Variants in VPS8 observed in about 807,000 individuals in gnomAD.
VPS8 encodes the protein VPS8 subunit of CORVET complex.
In VPS8, 129 loss-of-function variants were observed where a neutral mutation model predicts 216.4. The observed-to-expected ratio is 0.60, with a 90% CI of 0.52 to 0.69. The LOEUF (loss-of-function observed/expected upper bound fraction) is 0.69. Among genes scored for constraint, VPS8 ranks in the 30% least tolerant of loss-of-function variants. The probability of loss-of-function intolerance (pLI) is 0.00; values close to 1 mark genes in which losing one functional copy is unlikely to be tolerated. For synonymous variants in VPS8, 571 were observed against 565.4 expected, an observed-to-expected ratio of 1.01 and a Z score of -0.14; for missense variants, 1,531 against 1,683.5, an observed-to-expected ratio of 0.91 and a Z score of 1.59.
At chr3:184,923,373 A>G (rs1638737135) in intron 29 of VPS8, among the ~76,000 whole-genome samples, 1 of 152,190 alleles carries the variant, frequency 6.6e-6, no homozygotes, top group African/African-American at 2.4e-5. Flanking sequence ...GTTTCCACAC[A>G]TAGGAATACT....
At position 184,868,030 on chromosome 3, in the gene VPS8, T is replaced by C. The variant is rs1027073912; in HGVS notation, c.1477T>C (p.Tyr493His). 1.9e-6 allele frequency: 3 copies of C among 1,612,990 alleles called. No homozygotes were observed. The highest frequency in any genetic ancestry group is 1.7e-6 in the Non-Finnish European group (2 of 1,179,730). The change falls in exon 18 of 48, where the codon TAT becomes CAT. Residue 493 changes from tyrosine (Y) to histidine (H), a missense_variant. By Grantham distance (83) the Tyr-to-His change is moderately conservative. This residue lies in a region of VPS8 where 1,318 missense variants were observed against 1,468.4 expected (regional missense o/e 0.90). Transcript: ENST00000625842. The stretch of plus-strand genomic sequence containing the variant: ...CCATCTCTTTACTTTCCAGTCTGTT[T>C]ATGTGATGATGCTGAGGAGCTGGAG... Reference protein sequence around the residue: ...QIFYLGTKSVYVMMLRSWRER... With the variant: ...QIFYLGTKSVHVMMLRSWRER...
chr3:184,843,290 T>G, intron 8 of VPS8, 45 bp downstream of exon 8: 1 of 1,341,940 alleles, frequency 7.5e-7, no homozygotes, highest in Non-Finnish European at 9.8e-7. Flanking sequence ...TCTTTTGGTC[T>G]TTTTAATGTT....
intron 10 of VPS8, 45 bp downstream of exon 10, chr3:184,850,067 T>C: frequency 6.7e-7 from 1 of 1,485,204 alleles, no homozygotes; most frequent in Non-Finnish European, 9.2e-7. Context: ...TTATTATGCC[T>C]TTGTGTTTAT....
rs1561115068 is a variant in VPS8, at chr3:185,012,980, A to AGTTATTTC, written c.4003-11356_4003-11355insGTTATTTC. ...CTAAAAGCATTTCCTACGGGAAATA[A>AGTTATTTC]CTAAAAGCATTTCCTACAGGAAATA... On this transcript the variant is annotated intron_variant, in intron 45 of 47. Transcript: ENST00000625842. Among the ~76,000 whole-genome samples, 892 of 150,926 alleles carry AGTTATTTC rather than the reference A, an allele frequency of 5.9e-3. 8 individuals carry two copies. Among genetic ancestry groups the AGTTATTTC allele is most frequent in the African/African-American group, 0.021 (836 of 40,244 alleles).
chr3:184,824,627 G>A lies in VPS8; in HGVS notation c.-6G>A. ...GATGGACTGAATACTGTTATTAGAA[G>A]TAAATATGGAAAATGAACCAGACCA... On this transcript the variant is annotated 5_prime_UTR_variant, in exon 2 of 48. Coordinates refer to ENST00000625842, the MANE Select transcript of VPS8 (RefSeq NM_001009921.3). 6.2e-7 allele frequency: 1 copy of A among 1,613,056 alleles called. No individual in the cohort carries two copies. The highest frequency in any genetic ancestry group is 8.5e-7 in the Non-Finnish European group (1 of 1,179,552).
intron 40 of VPS8, among the ~76,000 whole-genome samples, chr3:184,981,282 C>T (rs1453056926): frequency 6.6e-6 from 1 of 152,100 alleles, no homozygotes; most frequent in African/African-American, 2.4e-5. Flanking sequence ...GTCCAGAGTC[C>T]ATCCTTGTGT....
chr3:184,938,756 A>G (rs753668448), intron 35 of VPS8, among the ~76,000 whole-genome samples: 5 of 151,514 alleles, frequency 3.3e-5, no homozygotes, highest in Admixed American at 6.6e-5. Context: ...GGCGGGGCAC[A>G]GTGGCTCACA....
chr3:184,975,335 C>T lies in VPS8; in HGVS notation c.3420+3583C>T, dbSNP rs76998762. Among the ~76,000 whole-genome samples the T allele has an allele frequency of 3.7e-3, 558 of 151,826 alleles. 3 individuals are homozygous for T. The highest frequency in any genetic ancestry group is 0.013 in the African/African-American group (535 of 41,460). On this transcript the variant is annotated intron_variant, in intron 40 of 47. Transcript: ENST00000625842. ...CTTGTAAATGAGATTGCTTTCTTGACTTCTTTTTCAGATAGTTTGTTATTG... is the reference window on the plus strand; with the variant it reads ...CTTGTAAATGAGATTGCTTTCTTGATTTCTTTTTCAGATAGTTTGTTATTG...
intron 21 of VPS8, among the ~76,000 whole-genome samples, chr3:184,873,168 C>T (rs1372353966): frequency 6.6e-6 from 1 of 151,856 alleles, no homozygotes; most frequent in Non-Finnish European, 1.5e-5. Context: ...ATTTTTAATC[C>T]CCATTTTATA....
Position 184,996,406 on chromosome 3 carries a change from C to T in VPS8, c.3741C>T (p.Val1247=). 6.2e-7 allele frequency: 1 copy of T among 1,613,902 alleles called. No homozygotes were observed. The highest frequency in any genetic ancestry group is 8.5e-7 in the Non-Finnish European group (1 of 1,179,848). The stretch of plus-strand genomic sequence containing the variant: ...CATTGTGTAACCTGAGAGCTTCGGT[C>T]ACCAGAGGACTGAATCCCAAACAAG... ...HWSLCNLRAS[V]TRGLNPKQDY... The change falls in exon 44 of 48, where the codon GTC becomes GTT. Residue 1247 remains valine (V), a synonymous_variant. Transcript: ENST00000625842.
At chr3:184,965,563 G>A (rs1236459937) in intron 38 of VPS8, among the ~76,000 whole-genome samples, 2 of 152,206 alleles carry the variant, frequency 1.3e-5, no homozygotes, top group Admixed American at 1.3e-4. Flanking sequence ...TATATAGGCA[G>A]GTCAGGCGAG....
chr3:184,853,340 G>A (rs1724669578), intron 11 of VPS8, among the ~76,000 whole-genome samples: 1 of 152,156 alleles, frequency 6.6e-6, no homozygotes, highest in Admixed American at 6.5e-5. Context: ...CAAGACAGGG[G>A]ATTGCACTAG....
chr3:184,956,142 A>G (rs1364726006), intron 36 of VPS8, among the ~76,000 whole-genome samples: 3 of 152,310 alleles, frequency 2.0e-5, no homozygotes, highest in Non-Finnish European at 2.9e-5. Context: ...GTGTCTAAAT[A>G]CAGTCTCTTT....
At chr3:185,017,133 C>CT (rs1755916153) in intron 45 of VPS8, among the ~76,000 whole-genome samples, 1 of 151,996 alleles carries the variant, frequency 6.6e-6, no homozygotes, top group Non-Finnish European at 1.5e-5. Context: ...TCCCTATAAA[C>CT]TTATAGGTAC....
intron 37 of VPS8, 70 bp downstream of exon 37, chr3:184,957,591 A>T (rs1162931829): frequency 6.9e-7 from 1 of 1,456,978 alleles, no homozygotes; most frequent in Non-Finnish European, 9.2e-7. Flanking sequence ...AGATGATCAA[A>T]GACAAGGGGA....
chr3:184,905,616 CTCTT>C (rs1347734500), intron 25 of VPS8, among the ~76,000 whole-genome samples: 1 of 104,664 alleles, frequency 9.6e-6, no homozygotes, highest in East Asian at 2.9e-4. Context: ...AGAAGCTCAG[CTCTT>C]TTTTTTTTTT....
At position 184,924,729 on chromosome 3, in the gene VPS8, T is replaced by C. The variant is rs867969942; in HGVS notation, c.2455-133T>C. 3.0e-4 allele frequency: 354 copies of C among 1,170,414 alleles called. 1 individual carries two copies. The Middle Eastern group carries it at 9.7e-3, about 32-fold the overall frequency. 72.5% of individuals were successfully genotyped at this position (1,170,414 alleles called of 1,614,324 possible). On this transcript the variant is annotated intron_variant, in intron 29 of 47. Coordinates refer to ENST00000625842, the MANE Select transcript of VPS8 (RefSeq NM_001009921.3). ...TTATTCTAAATGGCGTTGAATTCAA[T>C]TGTTGCACAGTCAATAAAAGAATCT...
intron 25 of VPS8, among the ~76,000 whole-genome samples, chr3:184,911,198 T>A (rs1429658763): frequency 6.6e-6 from 1 of 152,220 alleles, no homozygotes; most frequent in South Asian, 2.1e-4. Context: ...GCATACAATT[T>A]ACTAATTACC....
chr3:184,813,306 A>AACCCAAGC (rs1246567695), intron 1 of VPS8, among the ~76,000 whole-genome samples: 2 of 152,144 alleles, frequency 1.3e-5, no homozygotes, highest in Admixed American at 1.3e-4. Flanking sequence ...AAAACCCCAA[A>AACCCAAGC]ACCCAAGCAA....
Sources: allele counts gnomAD v4.1 joint callset (sites outside exome capture counted in the v4.1 genomes callset), GRCh38; gene constraint gnomAD v4.1.1; regional missense constraint gnomAD v4.1.1; transcripts MANE v1.5; gene names NCBI Gene and HGNC (gene_info 2026-07-23, HGNC 2026-07-21).